The following JMJD6 variants were observed in gnomAD, a reference collection of about 807,000 sequenced individuals.
JMJD6 encodes the protein bifunctional arginine demethylase and lysyl-hydroxylase JMJD6.
A neutral mutation model predicts 45.8 loss-of-function variants in JMJD6; 17 were observed. That is an observed-to-expected ratio of 0.37 (90% CI 0.25 to 0.56). The LOEUF (loss-of-function observed/expected upper bound fraction) is 0.56, where lower values mean the gene tolerates loss of function less well. JMJD6 is among the 20% of genes least tolerant of loss of function. JMJD6 has a pLI of 0.79. For synonymous variants in JMJD6, 221 were observed against 196.3 expected, an observed-to-expected ratio of 1.13 and a Z score of -1.05; for missense variants, 470 against 517.5, an observed-to-expected ratio of 0.91 and a Z score of 0.89.
At chr17:76,718,116 T>G (rs746093452), downstream of JMJD6, among the ~76,000 whole-genome samples, 31 of 136,920 alleles carry the variant, frequency 2.3e-4, no homozygotes, top group Non-Finnish European at 3.8e-4. Context: ...TGAGCCATGA[T>G]CACGCCACTG....
rs754210298 is a variant in JMJD6 at position 76,721,790 on chromosome 17, ACT to A, written c.941+6_941+7del. 5.3e-5 allele frequency: 86 copies of A among 1,607,926 alleles called. No homozygotes were observed. Among genetic ancestry groups the A allele is most frequent in the Non-Finnish European group, 6.9e-5 (81 of 1,177,436 alleles). ...ACCAAGCAGAAATAAGAAAAAAATG[ACT>A]CTCACCTATACCATTTCCTTGATAA... On this transcript the variant is annotated splice_donor_region_variant and intron_variant, in intron 4 of 5. Coordinates refer to ENST00000397625, the MANE Select transcript of JMJD6 (RefSeq NM_015167.3).
intron 4 of JMJD6, chr17:76,721,179 T>G: frequency 4.0e-6 from 1 of 247,978 alleles, no homozygotes; most frequent in Non-Finnish European, 8.9e-6. Flanking sequence ...TGCCCAAGAG[T>G]CCAGGGAGAA....
intron 2 of JMJD6, 45 bp downstream of exon 2, chr17:76,725,422 A>G (rs945445304): frequency 8.7e-6 from 13 of 1,498,316 alleles, no homozygotes; most frequent in Admixed American, 7.3e-5. Flanking sequence ...AAAAAAAAAA[A>G]AAAAAAGAAA....
chr17:76,725,737 T>G lies in JMJD6; in HGVS notation c.248A>C (p.Glu83Ala). ...LNAQEGWSAQEKWTLERLKRK... is the reference protein window; with the variant it reads ...LNAQEGWSAQAKWTLERLKRK... ...TTTTAGGCGCTCCAGAGTCCATTTC[T>G]CCTGCGCAGACCAGCCCTCTTGCGC... The change falls in exon 2 of 6, where the codon GAG (glutamate) becomes GCG (alanine). Residue 83 changes from glutamate (E) to alanine (A), a missense_variant. Transcript: ENST00000397625. 6.2e-7 allele frequency: 1 copy of G among 1,614,144 alleles called. No individual in the cohort carries two copies. Among genetic ancestry groups the G allele is most frequent in the Non-Finnish European group, 8.5e-7 (1 of 1,180,036 alleles).
exon 7 of JMJD6, chr17:76,713,397 C>T (rs908106053): frequency 5.3e-5 from 8 of 152,184 alleles, no homozygotes; most frequent in African/African-American, 1.2e-4. Flanking sequence ...GGCGCCTGGC[C>T]GAAATTTCTG....
rs1051785908 is a variant in JMJD6 at position 76,718,532 on chromosome 17, G to A, written c.*197C>T. Reference sequence around the variant, plus strand: ...ACATTCTCTTGCCTGAGTAAAACAAGCCGCGTTTATCTGCATTGGTAGCAG... The same window carrying A: ...ACATTCTCTTGCCTGAGTAAAACAAACCGCGTTTATCTGCATTGGTAGCAG... On this transcript the variant is annotated 3_prime_UTR_variant, in exon 6 of 6. Coordinates refer to ENST00000397625, the MANE Select transcript of JMJD6 (RefSeq NM_015167.3). 7.9e-5 allele frequency: 108 copies of A among 1,370,906 alleles called. No homozygotes were observed. Among genetic ancestry groups the A allele is most frequent in the Non-Finnish European group, 8.3e-5 (88 of 1,065,006 alleles). The allele number at this position is 1,370,906 out of a possible 1,614,324, so 84.9% of individuals were successfully genotyped here.
At chr17:76,725,226 T>C (rs1334685181) in intron 2 of JMJD6, among the ~76,000 whole-genome samples, 1 of 151,886 alleles carries the variant, frequency 6.6e-6, no homozygotes, top group Non-Finnish European at 1.5e-5. Flanking sequence ...CTGACCAACA[T>C]GGTGAAACCC....
intron 3 of JMJD6, among the ~76,000 whole-genome samples, chr17:76,723,493 T>G (rs947529851): frequency 6.6e-6 from 1 of 150,394 alleles, no homozygotes; most frequent in Non-Finnish European, 1.5e-5. Flanking sequence ...CTGGCTGGAG[T>G]GCAGTGGCAC....
intron 4 of JMJD6, chr17:76,721,185 G>C (rs1284274619): frequency 7.6e-6 from 2 of 263,300 alleles, no homozygotes; most frequent in African/African-American, 4.4e-5. Flanking sequence ...AGAGTCCAGG[G>C]AGAACAGAAG....
chr17:76,716,452 C>T (rs1013545781), downstream of JMJD6: 5 of 522,760 alleles, frequency 9.6e-6, no homozygotes, highest in African/African-American at 7.7e-5. Flanking sequence ...TACCCAACAT[C>T]CCATTAGCTT....
At position 76,725,451 on chromosome 17, in the gene JMJD6, C is replaced by G. The variant is rs1054361352; in HGVS notation, c.518+16G>C. 1 of 1,525,922 alleles carries G rather than the reference C, an allele frequency of 6.6e-7. No individual in the cohort carries two copies. Among genetic ancestry groups the G allele is most frequent in the Non-Finnish European group, 8.9e-7 (1 of 1,129,002 alleles). 94.5% of individuals were successfully genotyped at this position (1,525,922 alleles called of 1,614,324 possible). On this transcript the variant is annotated intron_variant, in intron 2 of 5. Coordinates refer to ENST00000397625, the MANE Select transcript of JMJD6 (RefSeq NM_015167.3). The stretch of plus-strand genomic sequence containing the variant: ...AAAGAAAAGGATTTTAACCACTTAG[C>G]TGCAGAATACTTTACCTGTAAGGGG...
intron 5 of JMJD6, 83 bp downstream of exon 5, chr17:76,720,277 G>A: frequency 7.9e-7 from 1 of 1,262,910 alleles, no homozygotes; most frequent in Non-Finnish European, 1.2e-6. Flanking sequence ...TCCTGGATAG[G>A]AGGAGGAAGA....
chr17:76,725,679 A>C lies in JMJD6; in HGVS notation c.306T>G (p.Gly102=). Reference sequence around the variant, plus strand: ...TCACTGAGTAGCCATCGTTATCCTCACCACACTTGAACTTCTGGTTCCGAT... The same window carrying C: ...TCACTGAGTAGCCATCGTTATCCTCCCCACACTTGAACTTCTGGTTCCGAT... ...RKYRNQKFKC[G]EDNDGYSVKM... is the part of the protein sequence containing the mutation. Residue 102 remains glycine (G), a synonymous_variant, in exon 2 of 6, where the codon GGT becomes GGG. Transcript: ENST00000397625. 1 of 1,613,952 alleles carries C rather than the reference A, an allele frequency of 6.2e-7. No individual in the cohort carries two copies. Among genetic ancestry groups the C allele is most frequent in the Non-Finnish European group, 8.5e-7 (1 of 1,179,990 alleles).
chr17:76,726,251 G>A, intron 1 of JMJD6, 96 bp downstream of exon 1: 1 of 1,426,980 alleles, frequency 7.0e-7, no homozygotes, highest in Non-Finnish European at 9.2e-7. Flanking sequence ...GAGGTCCCGG[G>A]CGCTCGGGGC....
chr17:76,726,594 TCCCGGCG>T lies in JMJD6; in HGVS notation c.-126_-120del. The T allele has an allele frequency of 7.4e-7, 1 of 1,353,622 alleles. No homozygotes were observed. The highest frequency in any genetic ancestry group is 9.8e-7 in the Non-Finnish European group (1 of 1,020,468). The allele number at this position is 1,353,622 out of a possible 1,614,324, so 83.9% of individuals were successfully genotyped here. On this transcript the variant is annotated 5_prime_UTR_variant, in exon 1 of 6. Transcript: ENST00000397625. ...CAGTACCCAAACGCCCTTCGCTCAGTCCCGGCGCCTTTAAAGTCGCCTTCCAGAAAAT... is the reference window on the plus strand; with the variant it reads ...CAGTACCCAAACGCCCTTCGCTCAGTCCTTTAAAGTCGCCTTCCAGAAAAT...
At chr17:76,722,405 A>C (rs1033352183) in intron 3 of JMJD6, among the ~76,000 whole-genome samples, 1 of 152,218 alleles carries the variant, frequency 6.6e-6, no homozygotes, top group Non-Finnish European at 1.5e-5. Flanking sequence ...CAACACGGAC[A>C]GTGCTATACT....
At position 76,724,098 on chromosome 17, in the gene JMJD6, C is replaced by T. The variant is rs375767050; in HGVS notation, c.519-40G>A. 56 of 1,595,214 alleles carry T rather than the reference C, an allele frequency of 3.5e-5. No individual in the cohort carries two copies. The African/African-American group carries it at 7.0e-4, about 20-fold the overall frequency. On this transcript the variant is annotated intron_variant, in intron 2 of 5. Coordinates refer to ENST00000397625, the MANE Select transcript of JMJD6 (RefSeq NM_015167.3). Reference sequence around the variant, plus strand: ...TATCCAAGATGTGAAGTGTAATTTACTTACACACATACCACACAAAACAAT... The same window carrying T: ...TATCCAAGATGTGAAGTGTAATTTATTTACACACATACCACACAAAACAAT...
At position 76,723,868 on chromosome 17, in the gene JMJD6, T is replaced by C. The variant is rs1407815988; in HGVS notation, c.709A>G (p.Asn237Asp). 3 of 1,614,022 alleles carry C rather than the reference T, an allele frequency of 1.9e-6. No homozygotes were observed. The African/African-American group carries it at 4.0e-5, about 22-fold the overall frequency. Reference sequence around the variant, plus strand: ...AGCTGTGTCCGGGGATAAATAACATTAAACCAGGTAATAGCTTCGTCTTGC... The same window carrying C: ...AGCTGTGTCCGGGGATAAATAACATCAAACCAGGTAATAGCTTCGTCTTGC... ...NQQDEAITWF[N>D]VIYPRTQLPT... Residue 237 changes from asparagine (N) to aspartate (D), a missense_variant, in exon 3 of 6, where the codon AAT becomes GAT. By Grantham distance (23) the Asn-to-Asp change is conservative. Around this residue, in one of 4 missense-constraint regions of JMJD6, gnomAD observed 346 missense variants for 339.5 expected, o/e 1.02. Transcript: ENST00000397625.
At chr17:76,717,780 G>GAA (rs1182356677), downstream of JMJD6, among the ~76,000 whole-genome samples, 1 of 152,020 alleles carries the variant, frequency 6.6e-6, no homozygotes, top group East Asian at 1.9e-4. Context: ...CACAAGGTCA[G>GAA]AAGTTTGAGA....
Sources: allele counts gnomAD v4.1 joint callset (sites outside exome capture counted in the v4.1 genomes callset), GRCh38; gene constraint gnomAD v4.1.1; regional missense constraint gnomAD v4.1.1; transcripts MANE v1.5; gene names NCBI Gene and HGNC (gene_info 2026-07-23, HGNC 2026-07-21).